The following THRB variants were observed in gnomAD, a reference collection of about 807,000 sequenced individuals.
The protein encoded by THRB is nuclear receptor subfamily 1 group A member 2.
Under a neutral mutation model 47.8 loss-of-function variants are expected in THRB, and 12 were observed. That is an observed-to-expected ratio of 0.25 (90% CI 0.16 to 0.41). THRB has a LOEUF of 0.41. THRB is among the 10% of genes least tolerant of loss of function. The pLI is 1.00. For synonymous variants in THRB, 218 were observed against 212.2 expected, an observed-to-expected ratio of 1.03 and a Z score of -0.24; for missense variants, 348 against 589.2, an observed-to-expected ratio of 0.59 and a Z score of 4.24.
chr3:24,489,038 G>A (rs1222414770), intron 1 of THRB, among the ~76,000 whole-genome samples: 4 of 151,994 alleles, frequency 2.6e-5, no homozygotes, highest in Admixed American at 6.6e-5. Flanking sequence ...GGCAGATCAC[G>A]AGGTCAGGAG....
chr3:24,242,745 T>A (rs2049678104), intron 3 of THRB, among the ~76,000 whole-genome samples: 1 of 152,104 alleles, frequency 6.6e-6, no homozygotes, highest in Non-Finnish European at 1.5e-5. Context: ...CTTTCTTAGG[T>A]GCAGAGAGAA....
chr3:24,470,587 G>T (rs2074488282), intron 1 of THRB, among the ~76,000 whole-genome samples: 1 of 152,220 alleles, frequency 6.6e-6, no homozygotes, highest in Non-Finnish European at 1.5e-5. Flanking sequence ...TGGCAGAACT[G>T]TGAATCAAAG....
At chr3:24,461,851 C>T (rs954163883) in intron 1 of THRB, among the ~76,000 whole-genome samples, 1 of 152,130 alleles carries the variant, frequency 6.6e-6, no homozygotes, top group African/African-American at 2.4e-5. Flanking sequence ...CCCAAATGGT[C>T]ATCAATGAGA....
chr3:24,338,398 T>A lies in THRB; in HGVS notation c.-260-1027A>T, dbSNP rs563047297. Among the ~76,000 whole-genome samples the A allele has an allele frequency of 3.9e-5, 6 of 152,354 alleles. No individual in the cohort carries two copies. The South Asian group carries it at 1.0e-3, about 26-fold the overall frequency. On this transcript the variant is annotated intron_variant, in intron 1 of 10. Transcript: ENST00000646209. ...GCAATGAACAATGTTTGTGTATTTT[T>A]AATTTACCTATATGATATGAATCTC...
intron 1 of THRB, among the ~76,000 whole-genome samples, chr3:24,452,371 C>T (rs2072746004): frequency 6.6e-6 from 1 of 152,076 alleles, no homozygotes; most frequent in African/African-American, 2.4e-5. Flanking sequence ...CCTGGTCTGT[C>T]ACCTCATGGT....
At chr3:24,295,655 T>A (rs1292673875) in intron 3 of THRB, among the ~76,000 whole-genome samples, 1 of 152,212 alleles carries the variant, frequency 6.6e-6, no homozygotes, top group East Asian at 1.9e-4. Flanking sequence ...TTGAAACTTG[T>A]TAGCCCTCTT....
intron 4 of THRB, among the ~76,000 whole-genome samples, chr3:24,216,777 A>G (rs2149938560): frequency 6.6e-6 from 1 of 152,324 alleles, no homozygotes; most frequent in South Asian, 2.1e-4. Flanking sequence ...AACTTAAAGA[A>G]TTTACGAATG....
At chr3:24,123,237 T>C in intron 10 of THRB, 112 bp from the exon 11 acceptor site, 1 of 1,501,392 alleles carries the variant, frequency 6.7e-7, no homozygotes, top group South Asian at 1.1e-5. Context: ...TCTTCCCTCT[T>C]AGCCATGAGC....
intron 9 of THRB, 129 bp downstream of exon 9, chr3:24,133,187 G>A: frequency 1.9e-6 from 2 of 1,041,728 alleles, no homozygotes; most frequent in South Asian, 2.8e-5. Flanking sequence ...TTTTCGTTTT[G>A]TACTGACGTT....
intron 5 of THRB, among the ~76,000 whole-genome samples, chr3:24,183,083 G>A (rs2042109580): frequency 6.6e-6 from 1 of 152,000 alleles, no homozygotes; most frequent in African/African-American, 2.4e-5. Context: ...AAAATACTTT[G>A]GTTGTTGCTA....
chr3:24,493,294 CA>C (rs1383377805), intron 1 of THRB, among the ~76,000 whole-genome samples: 1 of 152,226 alleles, frequency 6.6e-6, no homozygotes, highest in African/African-American at 2.4e-5. Context: ...GAATCATGAA[CA>C]CGTTAAAATG....
intron 5 of THRB, chr3:24,165,310 G>A (rs771522671): frequency 3.9e-6 from 3 of 764,772 alleles, no homozygotes; most frequent in South Asian, 2.7e-5. Context: ...AATTGCTGCC[G>A]GCAGCTGGGT....
intron 1 of THRB, among the ~76,000 whole-genome samples, chr3:24,433,672 A>G (rs2070668222): frequency 6.6e-6 from 1 of 152,172 alleles, no homozygotes; most frequent in African/African-American, 2.4e-5. Context: ...ACCATCTCAT[A>G]GGGGTTTTGT....
At chr3:24,485,163 T>C (rs1242081235) in intron 1 of THRB, among the ~76,000 whole-genome samples, 2 of 152,218 alleles carry the variant, frequency 1.3e-5, no homozygotes, top group Admixed American at 6.5e-5. Flanking sequence ...AGAGGAGCTA[T>C]AGGCATGTAC....
intron 3 of THRB, among the ~76,000 whole-genome samples, chr3:24,284,654 A>T (rs1007508063): frequency 2.0e-5 from 3 of 149,328 alleles, no homozygotes; most frequent in African/African-American, 7.7e-5. Flanking sequence ...AACCTACAGA[A>T]TGGGAGAAAA....
chr3:24,492,219 G>A (rs1176802503), intron 1 of THRB, among the ~76,000 whole-genome samples: 1 of 152,180 alleles, frequency 6.6e-6, no homozygotes, highest in African/African-American at 2.4e-5. Context: ...TCTAGATGCT[G>A]GAAAATAAGA....
intron 4 of THRB, among the ~76,000 whole-genome samples, chr3:24,202,261 C>A (rs926646956): frequency 2.0e-5 from 3 of 152,208 alleles, no homozygotes; most frequent in African/African-American, 7.2e-5. Context: ...TTCTTCATCC[C>A]ATAATCTTTT....
chr3:24,399,494 C>T (rs1258231863), intron 1 of THRB, among the ~76,000 whole-genome samples: 1 of 152,038 alleles, frequency 6.6e-6, no homozygotes, highest in Non-Finnish European at 1.5e-5. Flanking sequence ...ATGGTGACAG[C>T]ACTGCATTAA....
chr3:24,473,772 G>C (rs1384604574), intron 1 of THRB, among the ~76,000 whole-genome samples: 4 of 152,174 alleles, frequency 2.6e-5, no homozygotes, highest in Non-Finnish European at 5.9e-5. Context: ...AAAAGGATGA[G>C]TTCATGTCCT....
Sources: allele counts gnomAD v4.1 joint callset (sites outside exome capture counted in the v4.1 genomes callset), GRCh38; gene constraint gnomAD v4.1.1; transcripts MANE v1.5; gene names NCBI Gene and HGNC (gene_info 2026-07-23, HGNC 2026-07-21).